Variants in DLG2 observed in about 807,000 individuals in gnomAD.
The protein encoded by DLG2 is disks large homolog 2.
A neutral mutation model predicts 132.5 loss-of-function variants in DLG2; 45 were observed. The observed-to-expected ratio is 0.34, with a 90% CI of 0.27 to 0.44. DLG2 has a LOEUF of 0.44. DLG2 is among the 20% of genes least tolerant of loss of function. The pLI, the probability that DLG2 is intolerant of heterozygous loss-of-function variation, is 1.00. For synonymous variants in DLG2, 424 were observed against 419.6 expected (o/e 1.01, Z -0.13); for missense variants, 1,045 against 1,196.9 (o/e 0.87, Z 1.87).
At chr11:85,023,939 T>C (rs1349800290) in intron 6 of DLG2, among the ~76,000 whole-genome samples, 16 of 152,140 alleles carry the variant, frequency 1.1e-4, no homozygotes, top group Non-Finnish European at 1.0e-4. Flanking sequence ...AAAATTAAGG[T>C]ACATTTTTGT....
intron 18 of DLG2, among the ~76,000 whole-genome samples, chr11:83,672,498 C>A (rs754121552): frequency 2.6e-5 from 4 of 152,116 alleles, no homozygotes; most frequent in Non-Finnish European, 4.4e-5. Context: ...CTTAAACATG[C>A]AAACTCTGTG....
At chr11:84,410,630 A>C (rs2098896343) in intron 7 of DLG2, among the ~76,000 whole-genome samples, 1 of 124,570 alleles carries the variant, frequency 8.0e-6, no homozygotes, top group Admixed American at 1.0e-4. Context: ...GCCCAGCTGG[A>C]GTGCAATGGT....
intron 6 of DLG2, among the ~76,000 whole-genome samples, chr11:84,957,090 A>G (rs902961690): frequency 6.6e-6 from 1 of 152,184 alleles, no homozygotes; most frequent in African/African-American, 2.4e-5. Context: ...TACCCTTACA[A>G]CAACCTTAGG....
intron 18 of DLG2, among the ~76,000 whole-genome samples, chr11:83,707,887 G>A (rs118173137): frequency 4.7e-4 from 72 of 152,212 alleles, no homozygotes; most frequent in Non-Finnish European, 7.2e-4. Flanking sequence ...GAATGCATAG[G>A]GTTAAAAACG....
chr11:85,375,711 A>C (rs2085349888), intron 3 of DLG2, among the ~76,000 whole-genome samples: 1 of 152,190 alleles, frequency 6.6e-6, no homozygotes, highest in Non-Finnish European at 1.5e-5. Context: ...TGTTTAATTC[A>C]ATTTGAACAG....
At chr11:84,002,970 C>T (rs2154050315) in intron 11 of DLG2, among the ~76,000 whole-genome samples, 1 of 152,266 alleles carries the variant, frequency 6.6e-6, no homozygotes, top group South Asian at 2.1e-4. Flanking sequence ...ATGCGTAAAA[C>T]TCAATGCTTT....
At chr11:84,834,287 A>C (rs547982961) in intron 6 of DLG2, among the ~76,000 whole-genome samples, 37 of 151,666 alleles carry the variant, frequency 2.4e-4, no homozygotes, top group Non-Finnish European at 4.3e-4. Context: ...AAAATAAACT[A>C]CCCACAATAC....
intron 18 of DLG2, among the ~76,000 whole-genome samples, chr11:83,768,501 C>A (rs1682853346): frequency 6.6e-6 from 1 of 152,200 alleles, no homozygotes; most frequent in Non-Finnish European, 1.5e-5. Context: ...TTCAGAAATT[C>A]TCACTTCGGT....
At chr11:84,539,960 A>T (rs1433040482) in intron 6 of DLG2, among the ~76,000 whole-genome samples, 2 of 152,192 alleles carry the variant, frequency 1.3e-5, no homozygotes, top group Admixed American at 1.3e-4. Flanking sequence ...CTATTTAATA[A>T]ATGGTGCTGG....
intron 6 of DLG2, among the ~76,000 whole-genome samples, chr11:84,772,605 C>A (rs1478308410): frequency 6.6e-6 from 1 of 152,000 alleles, no homozygotes; most frequent in East Asian, 1.9e-4. Context: ...ACTCTTGGAC[C>A]ACAGTGAGAT....
chr11:84,333,360 C>T (rs542431418), intron 7 of DLG2, among the ~76,000 whole-genome samples: 5 of 152,308 alleles, frequency 3.3e-5, no homozygotes, highest in South Asian at 2.1e-4. Context: ...TGTGCTCTTA[C>T]GATCTAGGAC....
chr11:83,646,709 A>G (rs931651837), intron 18 of DLG2: 1 of 152,242 alleles, frequency 6.6e-6, no homozygotes, highest in Non-Finnish European at 1.5e-5. Context: ...ATGAATGAAT[A>G]CATCCAGGTT....
chr11:83,772,414 A>AAAAAG (rs1323895322), intron 18 of DLG2, among the ~76,000 whole-genome samples: 40 of 150,870 alleles, frequency 2.7e-4, no homozygotes, highest in African/African-American at 8.0e-4. Flanking sequence ...TGTCTCAATA[A>AAAAAG]AAAAGAAAAG....
intron 3 of DLG2, among the ~76,000 whole-genome samples, chr11:85,360,912 A>G (rs1275525452): frequency 6.6e-6 from 1 of 152,218 alleles, no homozygotes; most frequent in African/African-American, 2.4e-5. Context: ...AAATGACTAC[A>G]GTGGTAATAA....
intron 11 of DLG2, among the ~76,000 whole-genome samples, chr11:84,058,203 T>C (rs1488273164): frequency 6.6e-6 from 1 of 152,082 alleles, no homozygotes; most frequent in Non-Finnish European, 1.5e-5. Flanking sequence ...AAATGAGAAA[T>C]GATTTACTCA....
intron 3 of DLG2, among the ~76,000 whole-genome samples, chr11:85,518,830 G>A (rs759168847): frequency 2.4e-4 from 37 of 152,170 alleles, no homozygotes; most frequent in Non-Finnish European, 5.1e-4. Context: ...ACAGTCTAGG[G>A]ACTTTGTCCC....
chr11:84,375,010 A>G (rs185131061), intron 7 of DLG2, among the ~76,000 whole-genome samples: 1 of 152,254 alleles, frequency 6.6e-6, no homozygotes, highest in Admixed American at 6.5e-5. Flanking sequence ...ACTATTGCCC[A>G]GTTTCTCCAG....
At chr11:84,831,379 A>T (rs2153994495) in intron 6 of DLG2, among the ~76,000 whole-genome samples, 1 of 151,696 alleles carries the variant, frequency 6.6e-6, no homozygotes, top group Non-Finnish European at 1.5e-5. Flanking sequence ...TGTGTTACCT[A>T]TGTTATATCA....
intron 11 of DLG2, among the ~76,000 whole-genome samples, chr11:84,040,820 C>A (rs1192598276): frequency 2.6e-5 from 4 of 151,772 alleles, no homozygotes; most frequent in Non-Finnish European, 5.9e-5. Flanking sequence ...GCAGTATGGC[C>A]ATTTTCATGA....
Sources: gnomAD v4.1 joint callset for allele counts (sites outside exome capture counted in the v4.1 genomes callset) on GRCh38, gnomAD v4.1.1 for gene constraint, MANE v1.5 for transcripts, NCBI Gene and HGNC (gene_info 2026-07-23, HGNC 2026-07-21) for gene names.